ERBB4: variants seen among roughly 807,000 people sequenced by gnomAD.
ERBB4 encodes the protein receptor tyrosine-protein kinase erbB-4.
ERBB4 carries 42 observed loss-of-function variants against 158.0 expected under a neutral mutation model. The ratio of observed to expected loss-of-function variants is 0.27; its 90% CI spans 0.21 to 0.34. The LOEUF (loss-of-function observed/expected upper bound fraction) is 0.34, where lower values mean the gene tolerates loss of function less well. Among genes scored for constraint, ERBB4 ranks in the 10% least tolerant of loss-of-function variants. ERBB4 has a pLI of 1.00. For missense variants in ERBB4, 1,333 were observed against 1,624.1 expected, an observed-to-expected ratio of 0.82 and a Z score of 3.08; for synonymous variants, 583 against 558.7, an observed-to-expected ratio of 1.04 and a Z score of -0.61.
At chr2:211,561,752 A>G in intron 20 of ERBB4, 151 bp downstream of exon 20, 1 of 720,250 alleles carries the variant, frequency 1.4e-6, no homozygotes, top group Non-Finnish European at 2.4e-6. Flanking sequence ...GTTTACCTAA[A>G]AGTACCTCTC....
At chr2:212,413,861 G>A (rs889419000) in intron 1 of ERBB4, among the ~76,000 whole-genome samples, 1 of 152,032 alleles carries the variant, frequency 6.6e-6, no homozygotes, top group Non-Finnish European at 1.5e-5. Context: ...GATTGTTACA[G>A]AAAAATAAAT....
intron 1 of ERBB4, among the ~76,000 whole-genome samples, chr2:212,296,792 C>T (rs1205794616): frequency 6.6e-6 from 1 of 151,910 alleles, no homozygotes; most frequent in Non-Finnish European, 1.5e-5. Flanking sequence ...GCAAGCAAGG[C>T]ATTCAGGGCA....
intron 3 of ERBB4, among the ~76,000 whole-genome samples, chr2:211,820,676 C>T (rs2076975966): frequency 6.6e-6 from 1 of 151,774 alleles, no homozygotes; most frequent in South Asian, 2.1e-4. Context: ...GACACACACA[C>T]ACAAAATCAC....
rs116176699 is a variant in ERBB4 at position 211,945,732 on chromosome 2, G to T, written c.421+1698C>A. On this transcript the variant is annotated intron_variant, in intron 3 of 27. Transcript: ENST00000342788. Reference sequence around the variant, plus strand: ...TAATTTTGATTGATTAAATAATTCTGCTCTAATAATTTAGTAGTACTGGTA... The same window carrying T: ...TAATTTTGATTGATTAAATAATTCTTCTCTAATAATTTAGTAGTACTGGTA... Among the ~76,000 whole-genome samples the T allele has an allele frequency of 7.5e-3, 1,136 of 152,098 alleles. 14 individuals carry two copies. The highest frequency in any genetic ancestry group is 0.025 in the African/African-American group (1,047 of 41,542).
chr2:212,064,504 T>C (rs1488734314), intron 2 of ERBB4, among the ~76,000 whole-genome samples: 1 of 152,140 alleles, frequency 6.6e-6, no homozygotes, highest in African/African-American at 2.4e-5. Context: ...CCTGCTGCAA[T>C]ACTCCACTCG....
At position 211,941,394 on chromosome 2, in the gene ERBB4, C is replaced by A. The variant is rs555667660; in HGVS notation, c.421+6036G>T. On this transcript the variant is annotated intron_variant, in intron 3 of 27. Transcript: ENST00000342788. ...CCTGGTTGAACCCACTCAAATATTACCAAGACCTTTCACAGGGTAGTTGAA... is the reference window on the plus strand; with the variant it reads ...CCTGGTTGAACCCACTCAAATATTAACAAGACCTTTCACAGGGTAGTTGAA... Among the ~76,000 whole-genome samples, 3 of 152,046 alleles carry A rather than the reference C, an allele frequency of 2.0e-5. No individual in the cohort carries two copies. The East Asian group carries it at 5.8e-4, about 29-fold the overall frequency.
At chr2:211,421,085 A>C (rs1214948894) in intron 24 of ERBB4, among the ~76,000 whole-genome samples, 1 of 151,942 alleles carries the variant, frequency 6.6e-6, no homozygotes, top group African/African-American at 2.4e-5. Flanking sequence ...GGGCATTCAA[A>C]ACTCACAGTG....
At chr2:212,303,397 T>G (rs1178206898) in intron 1 of ERBB4, among the ~76,000 whole-genome samples, 1 of 151,474 alleles carries the variant, frequency 6.6e-6, no homozygotes, top group East Asian at 1.9e-4. Flanking sequence ...ATAAAGACAT[T>G]TATTACTTTC....
intron 2 of ERBB4, among the ~76,000 whole-genome samples, chr2:212,006,641 G>A (rs534880096): frequency 6.6e-6 from 1 of 152,064 alleles, no homozygotes; most frequent in South Asian, 2.1e-4. Context: ...ATAGAGCTTT[G>A]ATTGGCCCCT....
chr2:212,513,380 A>T (rs1463475045), intron 1 of ERBB4, among the ~76,000 whole-genome samples: 1 of 152,246 alleles, frequency 6.6e-6, no homozygotes, highest in Non-Finnish European at 1.5e-5. Flanking sequence ...ATACAGTAAC[A>T]TTTCACAAGT....
At chr2:211,755,500 C>T (rs2075270408) in intron 4 of ERBB4, among the ~76,000 whole-genome samples, 2 of 151,934 alleles carry the variant, frequency 1.3e-5, no homozygotes, top group Admixed American at 1.3e-4. Flanking sequence ...GACCCTGTCT[C>T]AAAAAATAAA....
intron 1 of ERBB4, among the ~76,000 whole-genome samples, chr2:212,386,572 TAAA>T (rs36107803): frequency 5.1e-5 from 7 of 135,940 alleles, no homozygotes; most frequent in African/African-American, 1.6e-4. Context: ...CTTTCTTTCT[TAAA>T]AAAAAAAAAA....
At chr2:211,679,339 C>A (rs1351542287) in intron 12 of ERBB4, among the ~76,000 whole-genome samples, 155 bp from the exon 13 acceptor site, 3 of 152,206 alleles carry the variant, frequency 2.0e-5, no homozygotes, top group Admixed American at 6.5e-5. Context: ...CCATCCTACC[C>A]ACAACTTCTT....
intron 1 of ERBB4, among the ~76,000 whole-genome samples, chr2:212,328,860 T>TGGCA (rs983946692): frequency 2.0e-5 from 3 of 152,102 alleles, no homozygotes; most frequent in Non-Finnish European, 2.9e-5. Flanking sequence ...GATTCTAATG[T>TGGCA]GGCAGCTGAA....
At chr2:212,236,883 GTCTA>G (rs565524945) in intron 1 of ERBB4, among the ~76,000 whole-genome samples, 2 of 152,112 alleles carry the variant, frequency 1.3e-5, no homozygotes, top group Non-Finnish European at 2.9e-5. Flanking sequence ...CTGGCTAGCA[GTCTA>G]TCTATTTTGT....
intron 12 of ERBB4, among the ~76,000 whole-genome samples, chr2:211,695,947 CTTTT>C (rs949141213): frequency 8.7e-5 from 13 of 149,390 alleles, no homozygotes; most frequent in Admixed American, 6.6e-4. Context: ...TCTTTTCTTT[CTTTT>C]TATTTCTTCT....
intron 1 of ERBB4, among the ~76,000 whole-genome samples, chr2:212,175,607 A>ATTTT (rs772882128): frequency 5.2e-5 from 7 of 134,172 alleles, no homozygotes; most frequent in Admixed American, 2.3e-4. Context: ...CAGAATATGT[A>ATTTT]TTTTTTTTTT....
At chr2:211,590,430 T>C (rs2068425770) in intron 19 of ERBB4, among the ~76,000 whole-genome samples, 1 of 152,174 alleles carries the variant, frequency 6.6e-6, no homozygotes, top group Admixed American at 6.5e-5. Context: ...AAACTGCTCC[T>C]AAGATCAGTG....
At chr2:211,445,464 T>C (rs1469135059) in intron 20 of ERBB4, among the ~76,000 whole-genome samples, 1 of 152,050 alleles carries the variant, frequency 6.6e-6, no homozygotes, top group Non-Finnish European at 1.5e-5. Context: ...CAGAAAAGAA[T>C]ACCAGAAAAA....
Sources: allele counts gnomAD v4.1 joint callset (sites outside exome capture counted in the v4.1 genomes callset), GRCh38; gene constraint gnomAD v4.1.1; transcripts MANE v1.5; gene names NCBI Gene and HGNC (gene_info 2026-07-23, HGNC 2026-07-21).